USP8: variants seen among roughly 807,000 people sequenced by gnomAD.
The protein encoded by USP8 is ubiquitin specific peptidase 8.
Under a neutral mutation model 130.0 loss-of-function variants are expected in USP8, and 27 were observed. That is an observed-to-expected ratio of 0.21 (90% CI 0.15 to 0.29). The LOEUF is 0.29. Ranked by LOEUF, USP8 falls within the 10% of genes least tolerant of loss-of-function variation. The pLI is 1.00. For synonymous variants in USP8, 392 were observed against 444.1 expected (o/e 0.88, Z 1.48); for missense variants, 1,029 against 1,312.2 (o/e 0.78, Z 3.33).
At chr15:50,498,018 T>G (rs1250343677) in intron 18 of USP8, among the ~76,000 whole-genome samples, 1 of 152,236 alleles carries the variant, frequency 6.6e-6, no homozygotes, top group Non-Finnish European at 1.5e-5. Flanking sequence ...TTGAGGATTC[T>G]GGAAGTATAA....
intron 3 of USP8, among the ~76,000 whole-genome samples, chr15:50,441,998 CGGAGTTT>C (rs2050278044): frequency 9.8e-6 from 1 of 102,520 alleles, no homozygotes; most frequent in African/African-American, 4.0e-5. Context: ...TTTTTTGAGA[CGGAGTTT>C]CACTCTTGTT....
chr15:50,467,994 G>C (rs1463327850), intron 7 of USP8, among the ~76,000 whole-genome samples: 1 of 151,564 alleles, frequency 6.6e-6, no homozygotes, highest in Non-Finnish European at 1.5e-5. Flanking sequence ...GAGTGCAATG[G>C]TGTGATCTCG....
At position 50,492,709 on chromosome 15, in the gene USP8, G is replaced by A; in HGVS notation, c.2243G>A (p.Cys748Tyr). ...PTVNRENKPT[C>Y]YPKAEISRLS... ...TCCTTTTTCTTCCTCAGGCCAACATGTTATCCTAAAGCTGAGATCTCAAGG... is the reference window on the plus strand; with the variant it reads ...TCCTTTTTCTTCCTCAGGCCAACATATTATCCTAAAGCTGAGATCTCAAGG... The change falls in exon 15 of 20, where the codon TGT becomes TAT. Residue 748 changes from cysteine to tyrosine, a missense_variant. This residue lies in a region of USP8 where 486 missense variants were observed against 522.0 expected (regional missense o/e 0.93). Transcript: ENST00000307179. The A allele has an allele frequency of 6.2e-7, 1 of 1,613,428 alleles. No homozygotes were observed. The highest frequency in any genetic ancestry group is 8.5e-7 in the Non-Finnish European group (1 of 1,179,988).
rs1432526529 is a variant in USP8, at chr15:50,500,069, A to ATAGTC, written c.*982_*986dup. On this transcript the variant is annotated 3_prime_UTR_variant, in exon 20 of 20. Transcript: ENST00000307179. ...ACCGAGGGACTCAGTTGCTATATATATAGTCAGTAAAACACTCCATATAAA... is the reference window on the plus strand; with the variant it reads ...ACCGAGGGACTCAGTTGCTATATATATAGTCTAGTCAGTAAAACACTCCATATAAA... 4 of 152,304 alleles carry ATAGTC rather than the reference A, an allele frequency of 2.6e-5. No homozygotes were observed. Among genetic ancestry groups the ATAGTC allele is most frequent in the Non-Finnish European group, 5.9e-5 (4 of 68,022 alleles). 9.4% of individuals were successfully genotyped at this position (152,304 alleles called of 1,614,324 possible). A position where few individuals can be genotyped will look rare whatever the true frequency, so the allele number is the denominator to read the frequency against.
chr15:50,453,860 CTTTTTTTTT>C (rs71124355), intron 4 of USP8, among the ~76,000 whole-genome samples: 3 of 86,948 alleles, frequency 3.5e-5, no homozygotes, highest in South Asian at 4.3e-4. Context: ...TGGGAATATT[CTTTTTTTTT>C]TTTTTTTTTT....
rs71424071 is a variant in USP8 at position 50,485,550 on chromosome 15, A to ATTTTTTTTTTTTTTTTTTTTTTTTTTT, written c.1890+1196_1890+1222dup. ...CCCATTTTTAGCATGCAGTTTAGTG[A>ATTTTTTTTTTTTTTTTTTTTTTTTTTT]TTTTTTTTTTTTTTTTTTTTTTTTT... On this transcript the variant is annotated intron_variant, in intron 12 of 19. Coordinates refer to ENST00000307179, the MANE Select transcript of USP8 (RefSeq NM_005154.5). Among the ~76,000 whole-genome samples the ATTTTTTTTTTTTTTTTTTTTTTTTTTT allele has an allele frequency of 1.8e-4, 5 of 27,944 alleles. 2 individuals carry two copies. Among genetic ancestry groups the ATTTTTTTTTTTTTTTTTTTTTTTTTTT allele is most frequent in the African/African-American group, 2.3e-4 (2 of 8,526 alleles). The allele number at this position is 27,944 out of a possible 152,430, so 18.3% of individuals were successfully genotyped here.
chr15:50,438,752 C>T (rs1048072307), intron 1 of USP8, among the ~76,000 whole-genome samples: 2 of 152,056 alleles, frequency 1.3e-5, no homozygotes, highest in Middle Eastern at 6.3e-3. Context: ...CTGCTAGTTC[C>T]TTTGACAGGT....
At chr15:50,490,582 C>G in intron 14 of USP8, 57 bp downstream of exon 14, 1 of 1,570,522 alleles carries the variant, frequency 6.4e-7, no homozygotes, top group Non-Finnish European at 8.6e-7. Flanking sequence ...AAAGTTTCTA[C>G]TCTGAATCTG....
rs1477372416 is a variant in USP8, at chr15:50,500,034, A to AATTT, written c.*952_*955dup. ...TATTAAGAGGGTTAAAGGAGCTTAT[A>AATTT]ATTTATTTAACCGAGGGACTCAGTT... On this transcript the variant is annotated 3_prime_UTR_variant, in exon 20 of 20. Transcript: ENST00000307179. The AATTT allele has an allele frequency of 2.0e-5, 3 of 152,154 alleles. No individual in the cohort carries two copies. The allele number at this position is 152,154 out of a possible 1,614,324, so 9.4% of individuals were successfully genotyped here. A position where few individuals can be genotyped will look rare whatever the true frequency, so the allele number is the denominator to read the frequency against.
intron 1 of USP8, among the ~76,000 whole-genome samples, chr15:50,434,104 T>TTTTGTTTTG (rs2050021658): frequency 1.3e-4 from 19 of 148,710 alleles, no homozygotes; most frequent in Admixed American, 1.0e-3. Context: ...AGCATAAGGT[T>TTTTGTTTTG]TTTTGTTTTG....
At chr15:50,480,800 A>G (rs1013529407) in intron 10 of USP8, among the ~76,000 whole-genome samples, 1 of 151,770 alleles carries the variant, frequency 6.6e-6, no homozygotes, top group African/African-American at 2.4e-5. Context: ...CTCTGGCTAT[A>G]ATGTGGAGAA....
chr15:50,458,928 C>T (rs1167043937), intron 4 of USP8, 72 bp from the exon 5 acceptor site: 1 of 1,575,982 alleles, frequency 6.3e-7, no homozygotes, highest in East Asian at 2.2e-5. Flanking sequence ...ACTAATTTTA[C>T]AGAACTGAAA....
At chr15:50,431,565 C>G (rs1345389187) in intron 1 of USP8, among the ~76,000 whole-genome samples, 2 of 152,112 alleles carry the variant, frequency 1.3e-5, no homozygotes, top group Non-Finnish European at 2.9e-5. Flanking sequence ...TATGTGAGGA[C>G]TATTGAGATA....
intron 1 of USP8, among the ~76,000 whole-genome samples, chr15:50,426,119 C>T (rs1463724921): frequency 6.6e-6 from 1 of 151,918 alleles, no homozygotes; most frequent in Non-Finnish European, 1.5e-5. Context: ...AAAACTCCGT[C>T]TCAAAAAATA....
chr15:50,456,647 A>C (rs1225931458), intron 4 of USP8, among the ~76,000 whole-genome samples: 1 of 151,942 alleles, frequency 6.6e-6, no homozygotes, highest in East Asian at 1.9e-4. Context: ...GCACTTTGGG[A>C]GGCCGACGAG....
At chr15:50,460,306 T>C (rs1467867383) in intron 5 of USP8, among the ~76,000 whole-genome samples, 2 of 141,370 alleles carry the variant, frequency 1.4e-5, no homozygotes, top group Non-Finnish European at 3.1e-5. Context: ...CTCTTCTTTT[T>C]TTTTTTTTTT....
chr15:50,447,940 T>C (rs1016798500), intron 3 of USP8, among the ~76,000 whole-genome samples: 1 of 151,860 alleles, frequency 6.6e-6, no homozygotes, highest in African/African-American at 2.4e-5. Context: ...GGTTTCACCA[T>C]GTTGCTCAGG....
At chr15:50,455,863 A>G (rs1017584114) in intron 4 of USP8, among the ~76,000 whole-genome samples, 4 of 152,186 alleles carry the variant, frequency 2.6e-5, no homozygotes, top group Admixed American at 6.5e-5. Context: ...AAGTCTATAC[A>G]AAGAATTTGG....
chr15:50,457,193 A>G (rs2050818654), intron 4 of USP8, among the ~76,000 whole-genome samples: 1 of 152,208 alleles, frequency 6.6e-6, no homozygotes, highest in African/African-American at 2.4e-5. Flanking sequence ...TTATTTGAAT[A>G]GTCACCATTT....
Sources: gnomAD v4.1 joint callset for allele counts (sites outside exome capture counted in the v4.1 genomes callset) on GRCh38, gnomAD v4.1.1 for gene constraint, gnomAD v4.1.1 regional missense constraint, MANE v1.5 for transcripts, NCBI Gene and HGNC (gene_info 2026-07-23, HGNC 2026-07-21) for gene names.